SLC25A25: variants seen among roughly 807,000 people sequenced by gnomAD.
The protein encoded by SLC25A25 is mitochondrial adenyl nucleotide antiporter SLC25A25.
SLC25A25 carries 32 observed loss-of-function variants against 57.7 expected under a neutral mutation model. The ratio of observed to expected loss-of-function variants is 0.55; its 90% CI spans 0.42 to 0.74. The LOEUF is 0.74. Among genes scored for constraint, SLC25A25 ranks in the 30% least tolerant of loss-of-function variants. The probability of loss-of-function intolerance (pLI) is 0.00; values close to 1 mark genes in which losing one functional copy is unlikely to be tolerated. For missense variants in SLC25A25, 556 were observed against 701.3 expected (o/e 0.79, Z 2.34); for synonymous variants, 306 against 291.2 (o/e 1.05, Z -0.52).
chr9:128,097,716 C>T (rs1385554282), intron 1 of SLC25A25, among the ~76,000 whole-genome samples: 3 of 152,204 alleles, frequency 2.0e-5, no homozygotes, highest in South Asian at 4.1e-4. Context: ...TGTGAGGCCT[C>T]GACTGACCCC....
chr9:128,098,453 CAGCCA>C (rs1833634432), intron 1 of SLC25A25: 18 of 1,467,706 alleles, frequency 1.2e-5, no homozygotes, highest in Non-Finnish European at 1.6e-5. Flanking sequence ...AGGGCTTAAG[CAGCCA>C]ATGACAGCTG....
At chr9:128,082,422 C>T (rs533679287) in intron 1 of SLC25A25, among the ~76,000 whole-genome samples, 5 of 152,218 alleles carry the variant, frequency 3.3e-5, no homozygotes, top group South Asian at 2.1e-4. Context: ...AAACTCCAGC[C>T]GCCCAGCGCA....
intron 1 of SLC25A25, chr9:128,092,134 G>A (rs377667729): frequency 6.2e-5 from 98 of 1,576,864 alleles, no homozygotes; most frequent in Non-Finnish European, 8.3e-5. Flanking sequence ...GGCCTGGTCT[G>A]GGATCATTTT....
intron 1 of SLC25A25, among the ~76,000 whole-genome samples, chr9:128,092,750 C>T (rs1184758186): frequency 6.6e-6 from 1 of 152,172 alleles, no homozygotes; most frequent in Non-Finnish European, 1.5e-5. Flanking sequence ...GTAGTATCCC[C>T]ATTTCGTAGA....
In SLC25A25 at chr9:128,068,487, G is replaced by A. The variant is rs752077892; in HGVS notation, c.168G>A (p.Thr56=). The part of the protein sequence containing the change: ...HRLRLWRLFQ[T]LDVNRDGGLC... The stretch of plus-strand genomic sequence containing the variant: ...TGCGCCTGTGGAGACTCTTTCAGAC[G>A]CTCGACGTCAACCGGGACGGCGGCC... Residue 56 remains threonine (T), a synonymous_variant, in exon 1 of 11, where the codon ACG becomes ACA. Coordinates refer to ENST00000373069, the MANE Select transcript of SLC25A25 (RefSeq NM_001330988.2). 3 of 1,515,612 alleles carry A rather than the reference G, an allele frequency of 2.0e-6. No individual in the cohort carries two copies. Among genetic ancestry groups the A allele is most frequent in the South Asian group, 1.2e-5 (1 of 81,952 alleles). The allele number at this position is 1,515,612 out of a possible 1,614,324, so 93.9% of individuals were successfully genotyped here.
chr9:128,077,516 T>TAAAAAAAAAAAAAA lies in SLC25A25; in HGVS notation c.261+8949_261+8950insAAAAAAAAAAAAAA, dbSNP rs567869070. ...TGGGCGACAGAGCAAGACTCCGTCT[T>TAAAAAAAAAAAAAA]AAAAAAAAAAAAAGCCAGTCGCAAA... On this transcript the variant is annotated intron_variant, in intron 1 of 10. Coordinates refer to ENST00000373069, the MANE Select transcript of SLC25A25 (RefSeq NM_001330988.2). Among the ~76,000 whole-genome samples, 22 of 100,306 alleles carry TAAAAAAAAAAAAAA rather than the reference T, an allele frequency of 2.2e-4. 2 individuals are homozygous for TAAAAAAAAAAAAAA. The highest frequency in any genetic ancestry group is 9.9e-4 in the African/African-American group (20 of 20,162). 65.8% of individuals were successfully genotyped at this position (100,306 alleles called of 152,430 possible). A position where few individuals can be genotyped will look rare whatever the true frequency, so the allele number is the denominator to read the frequency against.
chr9:128,091,799 A>G (rs1833413217), intron 1 of SLC25A25: 1 of 1,514,656 alleles, frequency 6.6e-7, no homozygotes, highest in African/African-American at 1.4e-5. Context: ...GTGTAGCCAG[A>G]GAGCGTTGGT....
intron 1 of SLC25A25, among the ~76,000 whole-genome samples, chr9:128,069,746 A>G (rs1832859408): frequency 1.3e-5 from 2 of 152,034 alleles, no homozygotes; most frequent in Non-Finnish European, 2.9e-5. Flanking sequence ...ATTTAGAGAC[A>G]AGTTTTTTTT....
At chr9:128,071,844 T>G (rs1170375006) in intron 1 of SLC25A25, among the ~76,000 whole-genome samples, 1 of 151,884 alleles carries the variant, frequency 6.6e-6, no homozygotes. Flanking sequence ...CCTGAGTAGC[T>G]GGGATTACAG....
In SLC25A25 at chr9:128,107,131, C is replaced by G. The variant is rs1195198168; in HGVS notation, c.1315C>G (p.Leu439Val). The G allele has an allele frequency of 6.2e-7, 1 of 1,613,904 alleles. No individual in the cohort carries two copies. Among genetic ancestry groups the G allele is most frequent in the African/African-American group, 1.3e-5 (1 of 74,934 alleles). Residue 439 changes from leucine (L) to valine (V), a missense_variant, in exon 10 of 11, where the codon CTG (leucine) becomes GTG (valine). This residue lies in a region of SLC25A25 where 294 missense variants were observed against 389.6 expected (regional missense o/e 0.75). Transcript: ENST00000373069. ...CGTMSSTCGQ[L>V]ASYPLALVRT... ...CACCATGTCCAGTACCTGTGGCCAG[C>G]TGGCCAGCTACCCCCTGGCCCTAGT...
At chr9:128,071,072 G>A (rs1564175745) in intron 1 of SLC25A25, among the ~76,000 whole-genome samples, 2 of 152,164 alleles carry the variant, frequency 1.3e-5, no homozygotes, top group Non-Finnish European at 2.9e-5. Context: ...GGCACATTGA[G>A]AACGTCTGGC....
intron 1 of SLC25A25, among the ~76,000 whole-genome samples, chr9:128,075,620 T>C (rs1313790312): frequency 3.3e-5 from 5 of 152,124 alleles, no homozygotes; most frequent in African/African-American, 9.7e-5. Flanking sequence ...GGCAGGCAGA[T>C]TGCCTGAGGT....
At chr9:128,079,709 G>T (rs1047312812) in intron 1 of SLC25A25, among the ~76,000 whole-genome samples, 1 of 147,810 alleles carries the variant, frequency 6.8e-6, no homozygotes, top group African/African-American at 2.5e-5. Context: ...AAACCCAGGA[G>T]GGGCCAGGCG....
intron 1 of SLC25A25, chr9:128,098,643 T>C (rs764064683): frequency 1.2e-6 from 2 of 1,614,004 alleles, no homozygotes; most frequent in Non-Finnish European, 1.7e-6. Flanking sequence ...TCGAAGGGGC[T>C]CCCTGCCGAG....
Position 128,068,452 on chromosome 9 carries a change from GA to G in SLC25A25, c.134del (p.Asp45AlafsTer57). The G allele has an allele frequency of 6.4e-7, 1 of 1,557,082 alleles. No individual in the cohort carries two copies. The highest frequency in any genetic ancestry group is 8.6e-7 in the Non-Finnish European group (1 of 1,162,152). Reference protein sequence around the residue: ...PCGGAICGGPDHRLRLWRLFQ... With the variant: ...PCGGAICGGPXHRLRLWRLFQ... ...CGGCGGCGCTATCTGCGGGGGCCCGGACCACCGGCTGCGCCTGTGGAGACTC... is the reference window on the plus strand; with the variant it reads ...CGGCGGCGCTATCTGCGGGGGCCCGGCCACCGGCTGCGCCTGTGGAGACTC... On this transcript the variant is annotated frameshift_variant, in exon 1 of 11. Transcript: ENST00000373069. LOFTEE classifies it high-confidence loss of function.
rs573142600 is a variant in SLC25A25, at chr9:128,102,059, C to G, written c.477-21C>G. On this transcript the variant is annotated intron_variant, in intron 3 of 10. Transcript: ENST00000373069. The surrounding 1 kb of genome is among the most constrained non-coding windows in gnomAD (Gnocchi z 4.1). ...CGTGTTGTTTCTGCTCTCTCCTCCG[C>G]ATCCTTTGTCTGTCTGTCAGAATAC... is the stretch of plus-strand genomic sequence containing the variant. 7.6e-5 allele frequency: 118 copies of G among 1,550,616 alleles called. 1 individual carries two copies. The South Asian group carries it at 1.3e-3, about 17-fold the overall frequency.
At chr9:128,073,703 G>A (rs145395535) in intron 1 of SLC25A25, among the ~76,000 whole-genome samples, 50 of 152,014 alleles carry the variant, frequency 3.3e-4, no homozygotes, top group Admixed American at 2.0e-3. Flanking sequence ...ATCGGTCCCT[G>A]GCTCAAAGTC....
At chr9:128,082,956 G>A (rs576584093) in intron 1 of SLC25A25, among the ~76,000 whole-genome samples, 31 of 152,150 alleles carry the variant, frequency 2.0e-4, no homozygotes, top group African/African-American at 5.8e-4. Flanking sequence ...GAGGCCGGGC[G>A]CAGTGGCTCA....
intron 1 of SLC25A25, chr9:128,098,346 C>A: frequency 2.5e-6 from 2 of 786,232 alleles, no homozygotes. Context: ...ACTTGAGCAA[C>A]CTGATGCCAC....
Sources: allele counts gnomAD v4.1 joint callset (sites outside exome capture counted in the v4.1 genomes callset), GRCh38; gene constraint gnomAD v4.1.1; regional missense constraint gnomAD v4.1.1; non-coding constraint Gnocchi (gnomAD v3.1); transcripts MANE v1.5; gene names NCBI Gene and HGNC (gene_info 2026-07-23, HGNC 2026-07-21).